Variants in DMXL1 observed in about 807,000 individuals in gnomAD.
DMXL1 encodes the protein Dmx like 1, also known as dmX-like protein 1.
A neutral mutation model predicts 319.2 loss-of-function variants in DMXL1; 99 were observed. The observed-to-expected ratio is 0.31, with a 90% CI of 0.26 to 0.37. DMXL1 has a LOEUF of 0.37. DMXL1 is among the 10% of genes least tolerant of loss of function. The pLI, the probability that DMXL1 is intolerant of heterozygous loss-of-function variation, is 1.00. For synonymous variants in DMXL1, 1,385 were observed against 1,235.2 expected, an observed-to-expected ratio of 1.12 and a Z score of -2.54; for missense variants, 3,745 against 3,595.6, an observed-to-expected ratio of 1.04 and a Z score of -1.06.
At chr5:119,071,796 C>T in intron 1 of DMXL1, 140 bp downstream of exon 1, 1 of 700,856 alleles carries the variant, frequency 1.4e-6, no homozygotes, top group African/African-American at 1.9e-5. Flanking sequence ...CCCAGCAGAC[C>T]TGGCCCTTGA....
rs1294535905 is a variant in DMXL1, at chr5:119,089,271, TATATAC to T, written c.88-8702_88-8697del. Among the ~76,000 whole-genome samples the T allele has an allele frequency of 1.3e-3, 87 of 68,018 alleles. 1 individual carries two copies. Among genetic ancestry groups the T allele is most frequent in the African/African-American group, 4.5e-3 (84 of 18,848 alleles). 44.6% of individuals were successfully genotyped at this position (68,018 alleles called of 152,430 possible). On this transcript the variant is annotated intron_variant, in intron 1 of 43. Transcript: ENST00000539542. ...GAGCTCCATTATATATGCATATATA[TATATAC>T]ATATATATATATATATTTTTTTTTT...
In DMXL1 at chr5:119,240,475, A is replaced by C. The variant is rs779058857; in HGVS notation, c.8704+4A>C. 6.3e-7 allele frequency: 1 copy of C among 1,594,104 alleles called. No homozygotes were observed. Among genetic ancestry groups the C allele is most frequent in the Non-Finnish European group, 8.6e-7 (1 of 1,165,462 alleles). The stretch of plus-strand genomic sequence containing the variant: ...CCTGCCAATAGTTTAGTCCATGGTA[A>C]GTTTTCAAAGCATTTTATAAATTTT... On this transcript the variant is annotated splice_donor_region_variant and intron_variant, in intron 42 of 43. Coordinates refer to ENST00000539542, the MANE Select transcript of DMXL1 (RefSeq NM_001290321.3).
chr5:119,211,036 G>T, intron 34 of DMXL1, among the ~76,000 whole-genome samples: 1 of 143,700 alleles, frequency 7.0e-6, no homozygotes. Context: ...CTATTGAAAT[G>T]ATCATCCTTT....
At position 119,211,956 on chromosome 5, in the gene DMXL1, T is replaced by A. The variant is rs566659627; in HGVS notation, c.7927-4945T>A. 5.3e-5 allele frequency among the ~76,000 whole-genome samples: 8 copies of A among 152,330 alleles called. No homozygotes were observed. The East Asian group carries it at 1.5e-3, about 29-fold the overall frequency. ...TCCGTAGGATCCTGGTGTTAATCTA[T>A]TGTAACTATCTCTTTCTCCTCCAGC... On this transcript the variant is annotated intron_variant, in intron 34 of 43. Coordinates refer to ENST00000539542, the MANE Select transcript of DMXL1 (RefSeq NM_001290321.3).
chr5:119,232,808 T>TAA (rs562400763), intron 38 of DMXL1, among the ~76,000 whole-genome samples: 23 of 137,868 alleles, frequency 1.7e-4, no homozygotes, highest in Admixed American at 9.5e-4. Context: ...ACCCTGTCTC[T>TAA]AAAAAAAAAA....
At chr5:119,100,939 G>T (rs532939659) in intron 2 of DMXL1, among the ~76,000 whole-genome samples, 2 of 121,162 alleles carry the variant, frequency 1.7e-5, no homozygotes, top group Non-Finnish European at 3.7e-5. Context: ...GCCATCGCCC[G>T]GCTAATTTTT....
chr5:119,126,594 C>G (rs545740929), intron 9 of DMXL1, among the ~76,000 whole-genome samples: 1 of 152,146 alleles, frequency 6.6e-6, no homozygotes, highest in Admixed American at 6.5e-5. Flanking sequence ...ATTCAAGCAT[C>G]GTAATCTCTG....
chr5:119,105,296 A>C, intron 4 of DMXL1, 38 bp downstream of exon 4: 2 of 1,488,622 alleles, frequency 1.3e-6, no homozygotes, highest in Non-Finnish European at 1.9e-6. Flanking sequence ...ATGAAATATC[A>C]CTTGCCTAGT....
At chr5:119,245,465 A>G (rs544244846) in intron 43 of DMXL1, among the ~76,000 whole-genome samples, 1 of 150,548 alleles carries the variant, frequency 6.6e-6, no homozygotes, top group East Asian at 1.9e-4. Context: ...CAACAGAATT[A>G]TTTTCCTTCA....
chr5:119,110,293 TAATC>T lies in DMXL1; in HGVS notation c.497+12_497+15del, dbSNP rs1170694318. On this transcript the variant is annotated intron_variant, in intron 5 of 43. Coordinates refer to ENST00000539542, the MANE Select transcript of DMXL1 (RefSeq NM_001290321.3). ...GCATTTGGCATTGCAAGTAAGCAAT[TAATC>T]AGGGGAGTAAACTGATAAACCTGTT... 2 of 1,548,250 alleles carry T rather than the reference TAATC, an allele frequency of 1.3e-6. No homozygotes were observed. Among genetic ancestry groups the T allele is most frequent in the Non-Finnish European group, 1.7e-6 (2 of 1,156,930 alleles).
intron 1 of DMXL1, among the ~76,000 whole-genome samples, chr5:119,083,865 A>G (rs1205658552): frequency 2.0e-5 from 3 of 152,048 alleles, no homozygotes; most frequent in South Asian, 2.1e-4. Flanking sequence ...GAACCTGCAT[A>G]CAGTTATCTG....
chr5:119,172,888 T>C (rs1231504523), intron 25 of DMXL1, among the ~76,000 whole-genome samples: 1 of 152,228 alleles, frequency 6.6e-6, no homozygotes, highest in Non-Finnish European at 1.5e-5. Context: ...CACTACTTAT[T>C]TTTCTGTACT....
At chr5:119,191,845 G>T (rs1272599746) in intron 29 of DMXL1, among the ~76,000 whole-genome samples, 1 of 152,220 alleles carries the variant, frequency 6.6e-6, no homozygotes, top group Non-Finnish European at 1.5e-5. Context: ...GATGGGAACA[G>T]CTCCTGACCA....
chr5:119,074,838 C>CAG (rs1750456380), intron 1 of DMXL1, among the ~76,000 whole-genome samples: 1 of 152,162 alleles, frequency 6.6e-6, no homozygotes, highest in Non-Finnish European at 1.5e-5. Context: ...AGTGTTTAAA[C>CAG]CTAACAGTAA....
intron 36 of DMXL1, 126 bp downstream of exon 36, chr5:119,220,719 C>T: frequency 1.6e-6 from 2 of 1,263,632 alleles, no homozygotes; most frequent in Non-Finnish European, 2.2e-6. Context: ...AGCTGATGTG[C>T]TAAATGAGGG....
At chr5:119,107,062 C>T (rs1364996295) in intron 4 of DMXL1, among the ~76,000 whole-genome samples, 3 of 152,106 alleles carry the variant, frequency 2.0e-5, no homozygotes, top group Non-Finnish European at 2.9e-5. Flanking sequence ...TGGGGCTGGG[C>T]ACGGTGGTTC....
At chr5:119,206,128 A>G (rs936132819) in intron 33 of DMXL1, among the ~76,000 whole-genome samples, 3 of 151,996 alleles carry the variant, frequency 2.0e-5, no homozygotes, top group African/African-American at 7.2e-5. Flanking sequence ...CTCCCTTTGT[A>G]TTTAAATAGA....
intron 32 of DMXL1, among the ~76,000 whole-genome samples, chr5:119,198,706 C>T (rs1780110369): frequency 2.0e-5 from 3 of 152,314 alleles, no homozygotes; most frequent in South Asian, 4.1e-4. Flanking sequence ...CAAGGCATCA[C>T]ATTACCTGAC....
intron 1 of DMXL1, among the ~76,000 whole-genome samples, chr5:119,095,386 C>G (rs1755708579): frequency 6.6e-6 from 1 of 152,154 alleles, no homozygotes; most frequent in African/African-American, 2.4e-5. Flanking sequence ...GATTACTTTA[C>G]ATTTCTCAAC....
Sources: allele counts gnomAD v4.1 joint callset (sites outside exome capture counted in the v4.1 genomes callset), GRCh38; gene constraint gnomAD v4.1.1; transcripts MANE v1.5; gene names NCBI Gene and HGNC (gene_info 2026-07-23, HGNC 2026-07-21).